The following COL28A1 variants were observed in gnomAD, a reference collection of about 807,000 sequenced individuals.
The protein encoded by COL28A1 is collagen alpha-1(XXVIII) chain.
In COL28A1, 161 loss-of-function variants were observed where a neutral mutation model predicts 150.2. The observed-to-expected ratio is 1.07, with a 90% CI of 0.94 to 1.22. The LOEUF is 1.22. COL28A1 is among the 50% of genes most tolerant of loss of function. COL28A1 has a pLI of 0.00. For synonymous variants in COL28A1, 552 were observed against 469.7 expected (o/e 1.18, Z -2.26); for missense variants, 1,617 against 1,388.3 (o/e 1.16, Z -2.62).
Position 7,515,962 on chromosome 7 carries a change from A to C in COL28A1, c.856-122T>G. 3 of 606,242 alleles carry C rather than the reference A, an allele frequency of 4.9e-6. No homozygotes were observed. The Admixed American group carries it at 8.9e-5, about 18-fold the overall frequency. The allele number at this position is 606,242 out of a possible 1,614,324, so 37.6% of individuals were successfully genotyped here. A position where few individuals can be genotyped will look rare whatever the true frequency, so the allele number is the denominator to read the frequency against. On this transcript the variant is annotated intron_variant, in intron 7 of 34. Coordinates refer to ENST00000399429, the MANE Select transcript of COL28A1 (RefSeq NM_001037763.3). ...ACATCTATACAGTCTGGAAAATTAG[A>C]TCATAGAAATGTAAACTGTTCCACT...
rs1185206183 is a variant in COL28A1 at position 7,381,534 on chromosome 7, A to C, written c.2205+10T>G. The C allele has an allele frequency of 5.5e-5, 88 of 1,609,038 alleles. 1 individual carries two copies. The East Asian group carries it at 2.0e-3, about 36-fold the overall frequency. On this transcript the variant is annotated intron_variant, in intron 28 of 34. Transcript: ENST00000399429. ...GCCTAAGCATTTCTCTAAGATCCTG[A>C]GACACTTACCTTCTGGCCTGGGAGG...
chr7:7,442,095 A>G (rs1318731419), intron 20 of COL28A1, among the ~76,000 whole-genome samples: 1 of 152,222 alleles, frequency 6.6e-6, no homozygotes, highest in African/African-American at 2.4e-5. Flanking sequence ...TGGGCTATGT[A>G]ACATGTTCCT....
At chr7:7,522,988 A>G (rs1781819445) in intron 4 of COL28A1, among the ~76,000 whole-genome samples, 1 of 152,006 alleles carries the variant, frequency 6.6e-6, no homozygotes, top group African/African-American at 2.4e-5. Context: ...AGAAATAACC[A>G]AGTTATTTTG....
intron 31 of COL28A1, 54 bp downstream of exon 31, chr7:7,375,407 T>G: frequency 6.6e-7 from 1 of 1,519,290 alleles, no homozygotes; most frequent in East Asian, 2.3e-5. Context: ...ACCAGCACAG[T>G]ACATAGTGGG....
chr7:7,384,897 G>A (rs770291785), intron 27 of COL28A1, among the ~76,000 whole-genome samples: 3 of 152,176 alleles, frequency 2.0e-5, no homozygotes, highest in Admixed American at 6.5e-5. Context: ...CCCAACATAG[G>A]TGTCATGAAG....
rs543753455 is a variant in COL28A1, at chr7:7,446,948, G to A, written c.1510-2459C>T. ...CAGCTGAATATTGCTCAGTACATGTGTGTGAAGAAACTACCCAAGGCCAGG... is the reference window on the plus strand; with the variant it reads ...CAGCTGAATATTGCTCAGTACATGTATGTGAAGAAACTACCCAAGGCCAGG... On this transcript the variant is annotated intron_variant, in intron 18 of 34. Transcript: ENST00000399429. Among the ~76,000 whole-genome samples the A allele has an allele frequency of 7.0e-4, 106 of 152,274 alleles. 2 individuals carry two copies. Among genetic ancestry groups the A allele is most frequent in the Admixed American group, 6.5e-3 (100 of 15,302 alleles).
chr7:7,369,984 G>A (rs1485444113), intron 33 of COL28A1, among the ~76,000 whole-genome samples: 2 of 152,112 alleles, frequency 1.3e-5, no homozygotes, highest in Non-Finnish European at 2.9e-5. Flanking sequence ...ACTTGGTGGA[G>A]AAGAGACTAT....
chr7:7,400,499 A>C (rs748848408), intron 27 of COL28A1, among the ~76,000 whole-genome samples: 9 of 152,198 alleles, frequency 5.9e-5, no homozygotes, highest in Non-Finnish European at 2.9e-5. Context: ...CAGAGTCTGC[A>C]TGGCCAGGTG....
intron 18 of COL28A1, 76 bp downstream of exon 18, chr7:7,452,243 G>A (rs4720736): frequency 6.4e-7 from 1 of 1,561,898 alleles, no homozygotes; most frequent in Non-Finnish European, 8.6e-7. Flanking sequence ...GAGTCTGTAA[G>A]GCAATTGGAT....
At chr7:7,398,575 T>A (rs145420785) in intron 27 of COL28A1, among the ~76,000 whole-genome samples, 2 of 152,322 alleles carry the variant, frequency 1.3e-5, no homozygotes, top group Non-Finnish European at 2.9e-5. Context: ...CATGGATAGG[T>A]CATAGTGCAA....
chr7:7,348,144 A>T, the COL28A1 span, among the ~76,000 whole-genome samples: 3 of 152,068 alleles, frequency 2.0e-5, no homozygotes, highest in Non-Finnish European at 4.4e-5. Context: ...TAACAGCTGA[A>T]GGTAAGCTTG....
intron 27 of COL28A1, among the ~76,000 whole-genome samples, chr7:7,403,107 C>T (rs2128300088): frequency 6.6e-6 from 1 of 152,242 alleles, no homozygotes; most frequent in East Asian, 1.9e-4. Flanking sequence ...CTTCAAGAGA[C>T]AGGGAAGGCT....
At chr7:7,430,159 C>T (rs1240937077) in intron 25 of COL28A1, among the ~76,000 whole-genome samples, 2 of 152,064 alleles carry the variant, frequency 1.3e-5, no homozygotes, top group Non-Finnish European at 2.9e-5. Context: ...TGGAGTTTCG[C>T]TCTGTCGCCC....
Position 7,407,504 on chromosome 7 carries a change from C to T in COL28A1, c.2136+10355G>A, listed in dbSNP as rs893270796. The stretch of plus-strand genomic sequence containing the variant: ...AGACTGACAGATAACTTCTCGAGAG[C>T]GATAATGGAGACTAAATGACAGAGG... On this transcript the variant is annotated intron_variant, in intron 27 of 34. Coordinates refer to ENST00000399429, the MANE Select transcript of COL28A1 (RefSeq NM_001037763.3). Among the ~76,000 whole-genome samples the T allele has an allele frequency of 5.6e-4, 85 of 151,930 alleles. 2 individuals carry two copies. Among genetic ancestry groups the T allele is most frequent in the Admixed American group, 2.0e-4 (3 of 15,248 alleles).
the COL28A1 span, among the ~76,000 whole-genome samples, chr7:7,542,301 G>A: frequency 5.3e-5 from 8 of 152,098 alleles, no homozygotes; most frequent in South Asian, 4.2e-4. Context: ...ACTGCACTCC[G>A]GCCTGGCCAC....
intron 28 of COL28A1, 82 bp downstream of exon 28, chr7:7,381,462 T>C: frequency 1.1e-6 from 1 of 945,792 alleles, no homozygotes; most frequent in Non-Finnish European, 1.7e-6. Flanking sequence ...GAGTGACACA[T>C]ATATGAGAGT....
chr7:7,369,143 C>T (rs571669793), intron 33 of COL28A1, among the ~76,000 whole-genome samples: 18 of 152,250 alleles, frequency 1.2e-4, no homozygotes, highest in Non-Finnish European at 2.1e-4. Context: ...TTTAGGAAGG[C>T]TTTAGAAAGG....
intron 27 of COL28A1, among the ~76,000 whole-genome samples, chr7:7,382,358 G>A (rs1781921487): frequency 6.6e-6 from 1 of 151,764 alleles, no homozygotes; most frequent in Admixed American, 6.6e-5. Context: ...GGGGAAAAGA[G>A]TATATAACAG....
At chr7:7,387,960 C>T (rs984880143) in intron 27 of COL28A1, among the ~76,000 whole-genome samples, 1 of 152,144 alleles carries the variant, frequency 6.6e-6, no homozygotes, top group Non-Finnish European at 1.5e-5. Context: ...ATTCAGGAGG[C>T]TTCTACTGTT....
Sources: allele counts gnomAD v4.1 joint callset (sites outside exome capture counted in the v4.1 genomes callset), GRCh38; gene constraint gnomAD v4.1.1; transcripts MANE v1.5; gene names NCBI Gene and HGNC (gene_info 2026-07-23, HGNC 2026-07-21).